The following TFIP11 variants were observed in gnomAD, a reference collection of about 807,000 sequenced individuals.
TFIP11 encodes the protein tuftelin-interacting protein 11.
Under a neutral mutation model 96.8 loss-of-function variants are expected in TFIP11, and 86 were observed. The ratio of observed to expected loss-of-function variants is 0.89; its 90% CI spans 0.75 to 1.06. The LOEUF (loss-of-function observed/expected upper bound fraction) is 1.06, where lower values mean the gene tolerates loss of function less well. Among genes scored for constraint, TFIP11 ranks in the 50% least tolerant of loss-of-function variants. The pLI is 0.00. For missense variants in TFIP11, 881 were observed against 1,076.7 expected, an observed-to-expected ratio of 0.82 and a Z score of 2.54; for synonymous variants, 405 against 395.2, an observed-to-expected ratio of 1.02 and a Z score of -0.29.
intron 4 of TFIP11, among the ~76,000 whole-genome samples, chr22:26,508,683 A>G (rs1923703284): frequency 6.6e-6 from 1 of 152,248 alleles, no homozygotes; most frequent in African/African-American, 2.4e-5. Context: ...CGTCTCTACT[A>G]AAAATACAAA....
At chr22:26,505,331 A>G (rs1156500375) in intron 6 of TFIP11, among the ~76,000 whole-genome samples, 1 of 152,218 alleles carries the variant, frequency 6.6e-6, no homozygotes, top group African/African-American at 2.4e-5. Flanking sequence ...GGAAGATGGA[A>G]GTAACCAATG....
intron 2 of TFIP11, chr22:26,510,983 G>A (rs1923981619): frequency 6.6e-6 from 1 of 152,226 alleles, no homozygotes. Context: ...TTCAAAATAA[G>A]TGCTCAAGAA....
At chr22:26,493,763 T>A (rs1214687993) in intron 14 of TFIP11, 1 of 217,870 alleles carries the variant, frequency 4.6e-6, no homozygotes, top group Non-Finnish European at 9.4e-6. Context: ...TCACCAAGTG[T>A]CAGACCGCGT....
rs763356224 is a variant in TFIP11 at position 26,499,337 on chromosome 22, C to G, written c.1096G>C (p.Glu366Gln). The change falls in exon 9 of 15, where the codon GAG (glutamate) becomes CAG (glutamine). Residue 366 changes from glutamate (E) to glutamine (Q), a missense_variant. Physicochemically the swap from Glu to Gln is conservative, Grantham distance 29 (BLOSUM62 2). Transcript: ENST00000407690. ...CTGAGGTTCGAGATGACCCGCTCCT[C>G]GTGGTCCAGGACCTCGGTCATCTTC... ...LEKMTEVLDH[E>Q]ERVISNLSKV... 6.2e-7 allele frequency: 1 copy of G among 1,614,142 alleles called. No individual in the cohort carries two copies. The highest frequency in any genetic ancestry group is 8.5e-7 in the Non-Finnish European group (1 of 1,180,018).
At position 26,499,708 on chromosome 22, in the gene TFIP11, C is replaced by T. The variant is rs1161346665; in HGVS notation, c.802-77G>A. ...ACACAGCTAAGCCCAGGGGAAGGCCCCATGACAGGGGAAGTGTGTAGAAAC... is the reference window on the plus strand; with the variant it reads ...ACACAGCTAAGCCCAGGGGAAGGCCTCATGACAGGGGAAGTGTGTAGAAAC... On this transcript the variant is annotated intron_variant, in intron 8 of 14. Transcript: ENST00000407690. 3.6e-5 allele frequency: 52 copies of T among 1,445,208 alleles called. 1 individual carries two copies. The highest frequency in any genetic ancestry group is 1.7e-4 in the South Asian group (13 of 75,998). The allele number at this position is 1,445,208 out of a possible 1,614,324, so 89.5% of individuals were successfully genotyped here.
intron 4 of TFIP11, 143 bp from the exon 5 acceptor site, chr22:26,507,071 T>A: frequency 9.4e-7 from 1 of 1,066,000 alleles, no homozygotes; most frequent in South Asian, 1.8e-5. Flanking sequence ...CATTTTTTAA[T>A]GTGTCAAAAA....
chr22:26,501,160 C>T (rs1361100799), intron 8 of TFIP11, among the ~76,000 whole-genome samples: 2 of 152,104 alleles, frequency 1.3e-5, no homozygotes, highest in Non-Finnish European at 2.9e-5. Flanking sequence ...GGATTACAGG[C>T]GTGAGCCACC....
chr22:26,494,796 C>T lies in TFIP11; in HGVS notation c.1992+1G>A, dbSNP rs773274511. On this transcript the variant is annotated splice_donor_variant, in intron 13 of 14. Coordinates refer to ENST00000407690, the MANE Select transcript of TFIP11 (RefSeq NM_012143.4). LOFTEE classifies it high-confidence loss of function. ...AGAAATCCAAGCAAAACAAAGTGTA[C>T]CTGAAGCCACTTGGGGAAGAAGTGC... The T allele has an allele frequency of 1.9e-6, 3 of 1,613,934 alleles. No individual in the cohort carries two copies. Among genetic ancestry groups the T allele is most frequent in the African/African-American group, 1.3e-5 (1 of 74,906 alleles).
Position 26,494,897 on chromosome 22 carries a change from TG to T in TFIP11, c.1891del (p.His631ThrfsTer8). 1.2e-6 allele frequency: 2 copies of T among 1,614,174 alleles called. No individual in the cohort carries two copies. The highest frequency in any genetic ancestry group is 8.5e-7 in the Non-Finnish European group (1 of 1,180,036). The stretch of plus-strand genomic sequence containing the variant: ...AATCACCCAATAGAATGCATCCATG[TG>T]CTGCTGGTGGGGGTTAATGACTAGC... ...GELVINPHQQ[H>X]MDAFYWVIDW... On this transcript the variant is annotated frameshift_variant, in exon 13 of 15. Coordinates refer to ENST00000407690, the MANE Select transcript of TFIP11 (RefSeq NM_012143.4). LOFTEE classifies it high-confidence loss of function.
rs765039109 is a variant in TFIP11, at chr22:26,503,833, C to A, written c.521-40G>T. The A allele has an allele frequency of 1.9e-6, 3 of 1,604,380 alleles. No homozygotes were observed. In the Admixed American group the frequency reaches 5.2e-5, roughly 28 times the overall value. ...CAAAAAAAAAAGAGAGTCTTACGAT[C>A]ACAGCAATTCATGTATGTGAATCAG... On this transcript the variant is annotated intron_variant, in intron 6 of 14. Coordinates refer to ENST00000407690, the MANE Select transcript of TFIP11 (RefSeq NM_012143.4).
chr22:26,494,076 C>T, intron 14 of TFIP11, 63 bp downstream of exon 14: 5 of 1,581,372 alleles, frequency 3.2e-6, no homozygotes, highest in Non-Finnish European at 4.3e-6. Context: ...GATTCTGTGT[C>T]ATTTACATGT....
At chr22:26,508,575 G>A (rs12628373) in intron 4 of TFIP11, among the ~76,000 whole-genome samples, 19,175 of 152,182 alleles carry the variant, frequency 0.13, 1,778 homozygotes, top group South Asian at 0.34. Context: ...CACATTCTCA[G>A]CTGGGTGTGG....
chr22:26,496,173 G>C lies in TFIP11; in HGVS notation c.1749C>G (p.Pro583=). The change falls in exon 12 of 15, where the codon CCC becomes CCG. Residue 583 remains proline, a synonymous_variant. Coordinates refer to ENST00000407690, the MANE Select transcript of TFIP11 (RefSeq NM_012143.4). ...GGATGAGCTTGGCAGAGGAGTCGCT[G>C]GGGTGCCACTTCTGCAGGGCGCTGG... The part of the protein sequence containing the change: ...KLSSALQKWH[P]SDSSAKLILQ... The C allele has an allele frequency of 6.2e-7, 1 of 1,613,940 alleles. No individual in the cohort carries two copies. The highest frequency in any genetic ancestry group is 8.5e-7 in the Non-Finnish European group (1 of 1,180,026).
chr22:26,500,878 C>CA (rs1819946252), intron 8 of TFIP11, among the ~76,000 whole-genome samples: 1 of 102,066 alleles, frequency 9.8e-6, no homozygotes, highest in Non-Finnish European at 1.9e-5. Flanking sequence ...TAACGGAAAA[C>CA]TTTTTTTTTT....
chr22:26,498,922 A>C lies in TFIP11; in HGVS notation c.1383T>G (p.Asn461Lys). The C allele has an allele frequency of 6.2e-7, 1 of 1,613,692 alleles. No individual in the cohort carries two copies. Among genetic ancestry groups the C allele is most frequent in the Non-Finnish European group, 8.5e-7 (1 of 1,179,916 alleles). The change falls in exon 10 of 15, where the codon AAT (asparagine) becomes AAG (lysine). Residue 461 changes from asparagine (N) to lysine (K), a missense_variant. Coordinates refer to ENST00000407690, the MANE Select transcript of TFIP11 (RefSeq NM_012143.4). ...IISKWKSLLENDQLLSHGGQD... is the reference protein window; with the variant it reads ...IISKWKSLLEKDQLLSHGGQD... ...GTCCGCCATGGGACAAGAGCTGGTC[A>C]TTCTCTAGGAGGCTTTTCCACTTAG...
At chr22:26,493,798 G>A (rs919917222) in intron 14 of TFIP11, 12 of 263,468 alleles carry the variant, frequency 4.6e-5, no homozygotes, top group African/African-American at 2.0e-4. Context: ...TGTAAGATGC[G>A]TCACCTAAGC....
At chr22:26,511,227 T>C (rs184628077) in intron 2 of TFIP11, 1 of 152,312 alleles carries the variant, frequency 6.6e-6, no homozygotes, top group South Asian at 2.0e-4. Flanking sequence ...GCAGGAAGCA[T>C]CCAGCACAGG....
intron 5 of TFIP11, 123 bp downstream of exon 5, chr22:26,506,652 G>T: frequency 1.4e-6 from 2 of 1,384,848 alleles, no homozygotes; most frequent in Non-Finnish European, 2.0e-6. Flanking sequence ...ACAGAAACCT[G>T]CCACCAAAAG....
intron 1 of TFIP11, 94 bp downstream of exon 1, chr22:26,512,300 C>G (rs1924170897): frequency 6.6e-6 from 1 of 152,330 alleles, no homozygotes; most frequent in African/African-American, 2.4e-5. Context: ...TTCCCCTCCC[C>G]ACACCCCAAC....
Sources: allele counts gnomAD v4.1 joint callset (sites outside exome capture counted in the v4.1 genomes callset), GRCh38; gene constraint gnomAD v4.1.1; transcripts MANE v1.5; gene names NCBI Gene and HGNC (gene_info 2026-07-23, HGNC 2026-07-21).